KRT3: variants seen among roughly 807,000 people sequenced by gnomAD.
KRT3 encodes the protein keratin 3.
In KRT3, 34 loss-of-function variants were observed where a neutral mutation model predicts 45.8. The ratio of observed to expected loss-of-function variants is 0.74; its 90% CI spans 0.57 to 0.99. The LOEUF (loss-of-function observed/expected upper bound fraction) is 0.99. Among genes scored for constraint, KRT3 ranks in the 50% least tolerant of loss-of-function variants. The pLI, the probability that KRT3 is intolerant of heterozygous loss-of-function variation, is 0.00. For missense variants in KRT3, 828 were observed against 820.6 expected, an observed-to-expected ratio of 1.01 and a Z score of -0.11; for synonymous variants, 367 against 329.0, an observed-to-expected ratio of 1.12 and a Z score of -1.25.
intron 4 of KRT3, 31 bp downstream of exon 4, chr12:52,792,678 CCT>C: frequency 1.4e-6 from 2 of 1,455,968 alleles, no homozygotes; most frequent in Non-Finnish European, 1.9e-6. Context: ...CCTCACTCTC[CCT>C]CTGTCCCTTC....
In KRT3 at chr12:52,795,338, C is replaced by A. The variant is rs1592303728; in HGVS notation, c.645+60G>T. The A allele has an allele frequency of 7.5e-6, 12 of 1,598,866 alleles. No homozygotes were observed. In the East Asian group the frequency reaches 2.7e-4, roughly 36 times the overall value. On this transcript the variant is annotated intron_variant, in intron 1 of 8. Coordinates refer to ENST00000417996, the MANE Select transcript of KRT3 (RefSeq NM_057088.3). ...CCAAGAAACATTTAAACACTGTGTC[C>A]CAAAGGTCAAATTCAAAGTCCCCAG...
chr12:52,791,522 T>C, intron 6 of KRT3, 96 bp from the exon 7 acceptor site: 1 of 1,457,048 alleles, frequency 6.9e-7, no homozygotes, highest in Non-Finnish European at 9.4e-7. Flanking sequence ...TCAGGGAACA[T>C]TCCTCCTCCC....
rs960679360 is a variant in KRT3, at chr12:52,789,911, G to C, written c.*131C>G. ...GCCGGGGATCTGGAAGGAGGAGCAA[G>C]AGGCCACAAGCCTTCCAGCGCAGAG... On this transcript the variant is annotated 3_prime_UTR_variant, in exon 9 of 9. Transcript: ENST00000417996. 118 of 922,128 alleles carry C rather than the reference G, an allele frequency of 1.3e-4. 1 individual carries two copies. The highest frequency in any genetic ancestry group is 9.7e-5 in the Non-Finnish European group (58 of 596,620). The allele number at this position is 922,128 out of a possible 1,614,324, so 57.1% of individuals were successfully genotyped here. A position where few individuals can be genotyped will look rare whatever the true frequency, so the allele number is the denominator to read the frequency against.
chr12:52,792,645 C>T, intron 4 of KRT3, 66 bp downstream of exon 4: 1 of 1,240,794 alleles, frequency 8.1e-7, no homozygotes, highest in South Asian at 1.2e-5. Flanking sequence ...TACCAAAATG[C>T]ACCAGCCTCA....
chr12:52,793,135 C>A (rs1228283930), intron 3 of KRT3, 28 bp downstream of exon 3: 2 of 1,592,926 alleles, frequency 1.3e-6, no homozygotes, highest in African/African-American at 1.3e-5. Context: ...CAGCTGCAAG[C>A]CTCAGAAACC....
chr12:52,791,354 T>A lies in KRT3; in HGVS notation c.1387A>T (p.Lys463Ter). ...GEMALKDANA[K>*]LQELQAALQQ... Reference sequence around the variant, plus strand: ...AGAGCAGCCTGCAGCTCTTGGAGCTTGGCATTGGCATCCTTGAGGGCCATC... The same window carrying A: ...AGAGCAGCCTGCAGCTCTTGGAGCTAGGCATTGGCATCCTTGAGGGCCATC... The change falls in exon 7 of 9, where the codon AAG becomes TAG. Residue 463 changes from lysine (K) to a stop codon, truncating the protein, a stop_gained. Transcript: ENST00000417996. LOFTEE classifies it high-confidence loss of function. 1 of 1,614,222 alleles carries A rather than the reference T, an allele frequency of 6.2e-7. No individual in the cohort carries two copies. Among genetic ancestry groups the A allele is most frequent in the Non-Finnish European group, 8.5e-7 (1 of 1,180,028 alleles).
chr12:52,790,688 A>G, intron 8 of KRT3, 150 bp downstream of exon 8: 2 of 807,186 alleles, frequency 2.5e-6, no homozygotes, highest in Non-Finnish European at 4.2e-6. Flanking sequence ...TGAACCCAGA[A>G]CAATTACAAA....
chr12:52,790,884 A>C lies in KRT3; in HGVS notation c.1536-12T>G. On this transcript the variant is annotated splice_polypyrimidine_tract_variant and intron_variant, in intron 7 of 8. Coordinates refer to ENST00000417996, the MANE Select transcript of KRT3 (RefSeq NM_057088.3). ...ACTCTCCAGACATCCTGTTTGAGAAAGCAAGAGAAAGTGGGCCCCGTCACA... is the reference window on the plus strand; with the variant it reads ...ACTCTCCAGACATCCTGTTTGAGAACGCAAGAGAAAGTGGGCCCCGTCACA... The C allele has an allele frequency of 1.3e-6, 2 of 1,592,636 alleles. No homozygotes were observed. Among genetic ancestry groups the C allele is most frequent in the East Asian group, 2.3e-5 (1 of 44,174 alleles).
chr12:52,791,906 C>T, intron 5 of KRT3, 90 bp from the exon 6 acceptor site: 2 of 1,407,560 alleles, frequency 1.4e-6, no homozygotes, highest in Non-Finnish European at 9.6e-7. Context: ...CCTTCAGAAG[C>T]TCAGTAAGGC....
At position 52,791,287 on chromosome 12, in the gene KRT3, TA is replaced by T. The variant is rs765720147; in HGVS notation, c.1453del (p.Tyr485ThrfsTer4). On this transcript the variant is annotated frameshift_variant, in exon 7 of 9. Coordinates refer to ENST00000417996, the MANE Select transcript of KRT3 (RefSeq NM_057088.3). LOFTEE classifies it high-confidence loss of function. ...KDDLARLLRD[Y>X]QELMNVKLAL... The stretch of plus-strand genomic sequence containing the variant: ...CAGCTTGACATTCATCAGCTCCTGG[TA>T]GTCACGTAGCAGCCGCGCCAGGTCA... 1 of 1,614,190 alleles carries T rather than the reference TA, an allele frequency of 6.2e-7. No homozygotes were observed. The highest frequency in any genetic ancestry group is 2.2e-5 in the East Asian group (1 of 44,890).
intron 2 of KRT3, 70 bp from the exon 3 acceptor site, chr12:52,793,293 C>G: frequency 9.3e-7 from 1 of 1,076,110 alleles, no homozygotes; most frequent in Non-Finnish European, 1.4e-6. Context: ...TTCCCTGGAA[C>G]TCTGAAAGTT....
rs1348257167 is a variant in KRT3, at chr12:52,794,160, C to T, written c.817G>A (p.Asp273Asn). Reference protein sequence around the residue: ...DNILGERGRLDSELKNMEDLV... With the variant: ...DNILGERGRLNSELKNMEDLV... ...TCCTCCATGTTCTTCAGCTCAGAGT[C>T]CAGGCGCCCTCTCTCCCCGAGGATG... The change falls in exon 2 of 9, where the codon GAC (aspartate) becomes AAC (asparagine). Residue 273 changes from aspartate (D) to asparagine (N), a missense_variant. Transcript: ENST00000417996. 1 of 1,614,200 alleles carries T rather than the reference C, an allele frequency of 6.2e-7. No homozygotes were observed. The highest frequency in any genetic ancestry group is 1.1e-5 in the South Asian group (1 of 91,080).
chr12:52,790,087 G>C lies in KRT3; in HGVS notation c.1842C>G (p.Ile614Met), dbSNP rs1415940817. Residue 614 changes from isoleucine to methionine, a missense_variant, in exon 9 of 9, where the codon ATC becomes ATG. Transcript: ENST00000417996. Reference sequence around the variant, plus strand: ...AGGACTGGGAGGACTGGGAGAACTTGATGCTGCCGCCCCGGTTGCTGGCCG... The same window carrying C: ...AGGACTGGGAGGACTGGGAGAACTTCATGCTGCCGCCCCGGTTGCTGGCCG... ...FSSASNRGGS[I>M]KFSQSSQSSQ... 1 of 1,542,058 alleles carries C rather than the reference G, an allele frequency of 6.5e-7. No homozygotes were observed. The highest frequency in any genetic ancestry group is 8.7e-7 in the Non-Finnish European group (1 of 1,146,890).
chr12:52,791,175 G>A (rs774133709), intron 7 of KRT3, 31 bp downstream of exon 7: 1 of 1,613,918 alleles, frequency 6.2e-7, no homozygotes, highest in Non-Finnish European at 8.5e-7. Context: ...CTTGAGCCAG[G>A]GGGTGTGGGA....
Position 52,795,412 on chromosome 12 carries a change from A to T in KRT3, c.631T>A (p.Ser211Thr), listed in dbSNP as rs1939613127. The T allele has an allele frequency of 6.2e-7, 1 of 1,614,036 alleles. No homozygotes were observed. The highest frequency in any genetic ancestry group is 8.5e-7 in the Non-Finnish European group (1 of 1,180,030). ...AGCTTCATTACCTTGTCAATGAAGG[A>T]GGCAAACTTGTTGTTGAGGGTCTTG... ...QIKTLNNKFA[S>T]FIDKVRFLEQ... The change falls in exon 1 of 9, where the codon TCC becomes ACC. Residue 211 changes from serine to threonine, a missense_variant. Transcript: ENST00000417996.
At position 52,790,037 on chromosome 12, in the gene KRT3, G is replaced by T. The variant is rs1307201507; in HGVS notation, c.*5C>A. The T allele has an allele frequency of 2.0e-6, 3 of 1,538,356 alleles. No homozygotes were observed. The Admixed American group carries it at 5.9e-5, about 30-fold the overall frequency. ...TGGAGTGGCTGCGATGCTGATGCGT[G>T]CTCTTTATCTGGAGTAGCGCTGGGA... On this transcript the variant is annotated 3_prime_UTR_variant, in exon 9 of 9. Coordinates refer to ENST00000417996, the MANE Select transcript of KRT3 (RefSeq NM_057088.3).
At chr12:52,790,708 C>T in intron 8 of KRT3, 130 bp downstream of exon 8, 1 of 878,748 alleles carries the variant, frequency 1.1e-6, no homozygotes, top group Non-Finnish European at 1.9e-6. Context: ...AAGCCAATCA[C>T]TTCCCTCTCC....
At chr12:52,790,403 C>A (rs1939465880) in intron 8 of KRT3, 45 bp from the exon 9 acceptor site, 1 of 1,529,942 alleles carries the variant, frequency 6.5e-7, no homozygotes. Context: ...GGCGCCCAGG[C>A]CAGCTGCTAT....
intron 7 of KRT3, 116 bp from the exon 8 acceptor site, chr12:52,790,988 T>C (rs1939479904): frequency 7.8e-7 from 1 of 1,287,250 alleles, no homozygotes; most frequent in Non-Finnish European, 1.1e-6. Context: ...GCAAATCAGG[T>C]AAGCTTTCTC....
Sources: gnomAD v4.1 joint callset for allele counts on GRCh38, gnomAD v4.1.1 for gene constraint, MANE v1.5 for transcripts, NCBI Gene and HGNC (gene_info 2026-07-23, HGNC 2026-07-21) for gene names.